REV3L: variants seen among roughly 807,000 people sequenced by gnomAD.
The protein encoded by REV3L is REV3 like, DNA directed polymerase zeta catalytic subunit, also known as DNA polymerase zeta catalytic subunit.
In REV3L, 69 loss-of-function variants were observed where a neutral mutation model predicts 299.4. The observed-to-expected ratio is 0.23, with a 90% CI of 0.19 to 0.28. The LOEUF (loss-of-function observed/expected upper bound fraction) is 0.28, where lower values mean the gene tolerates loss of function less well. Among genes scored for constraint, REV3L ranks in the 10% least tolerant of loss-of-function variants. The pLI is 1.00. For synonymous variants in REV3L, 1,238 were observed against 1,271.4 expected, an observed-to-expected ratio of 0.97 and a Z score of 0.56; for missense variants, 3,128 against 3,693.8, an observed-to-expected ratio of 0.85 and a Z score of 3.97.
chr6:111,457,523 C>T (rs887786163), intron 1 of REV3L, among the ~76,000 whole-genome samples: 2 of 151,640 alleles, frequency 1.3e-5, no homozygotes, highest in African/African-American at 4.8e-5. Flanking sequence ...TGAAGGATCT[C>T]AAATATGCCA....
intron 1 of REV3L, among the ~76,000 whole-genome samples, chr6:111,462,463 C>A (rs956344916): frequency 2.0e-5 from 3 of 151,814 alleles, no homozygotes; most frequent in African/African-American, 7.3e-5. Context: ...GAAAAAAAAA[C>A]TGATAGAACT....
At chr6:111,301,976 T>C (rs946238213) in intron 31 of REV3L, among the ~76,000 whole-genome samples, 3 of 152,330 alleles carry the variant, frequency 2.0e-5, no homozygotes, top group Middle Eastern at 3.4e-3. Context: ...CTACTCTGGA[T>C]TGTCTTTTAA....
intron 30 of REV3L, chr6:111,309,554 T>G (rs1582446380): frequency 9.4e-6 from 2 of 213,502 alleles, no homozygotes; most frequent in Non-Finnish European, 1.8e-5. Context: ...GGGTCTCGGG[T>G]TTTTATAGGC....
chr6:111,307,784 A>C, intron 30 of REV3L: 1 of 547,426 alleles, frequency 1.8e-6, no homozygotes, highest in Non-Finnish European at 3.2e-6. Flanking sequence ...ACATCTTAAT[A>C]TTATCAGATA....
intron 1 of REV3L, among the ~76,000 whole-genome samples, chr6:111,457,341 T>C (rs1790267465): frequency 6.6e-6 from 1 of 151,920 alleles, no homozygotes; most frequent in South Asian, 2.1e-4. Context: ...AATATTTTGA[T>C]ACAGAAAACT....
At chr6:111,420,595 T>C (rs1023494272) in intron 1 of REV3L, among the ~76,000 whole-genome samples, 1 of 152,202 alleles carries the variant, frequency 6.6e-6, no homozygotes, top group African/African-American at 2.4e-5. Context: ...CGTCTGTGGC[T>C]GAACAAGCCC....
chr6:111,307,627 T>A, intron 30 of REV3L, 57 bp from the exon 31 acceptor site: 1 of 1,517,150 alleles, frequency 6.6e-7, no homozygotes, highest in Non-Finnish European at 9.1e-7. Flanking sequence ...AAAGCTGCTA[T>A]TTTCATGCTA....
chr6:111,328,102 T>C (rs1775024852), intron 25 of REV3L, among the ~76,000 whole-genome samples: 1 of 152,230 alleles, frequency 6.6e-6, no homozygotes, highest in Non-Finnish European at 1.5e-5. Flanking sequence ...ATTGTATTTG[T>C]ATCAAATAAA....
chr6:111,355,988 T>C (rs1418016948), intron 18 of REV3L, among the ~76,000 whole-genome samples: 3 of 152,158 alleles, frequency 2.0e-5, no homozygotes, highest in Non-Finnish European at 4.4e-5. Flanking sequence ...TTTAATTTTG[T>C]TTTGTAGAAA....
At chr6:111,368,172 A>G (rs2115036168) in intron 13 of REV3L, 144 bp from the exon 14 acceptor site, 1 of 663,918 alleles carries the variant, frequency 1.5e-6, no homozygotes, top group Non-Finnish European at 2.5e-6. Flanking sequence ...TTGTGCAGGT[A>G]CATTCTATCT....
At chr6:111,381,768 C>CT (rs1367856978) in intron 9 of REV3L, among the ~76,000 whole-genome samples, 1 of 151,986 alleles carries the variant, frequency 6.6e-6, no homozygotes, top group Non-Finnish European at 1.5e-5. Flanking sequence ...GATAAACTAT[C>CT]TTATTTGAAT....
chr6:111,471,453 C>A (rs1347073898), intron 1 of REV3L, among the ~76,000 whole-genome samples: 1 of 152,110 alleles, frequency 6.6e-6, no homozygotes, highest in East Asian at 1.9e-4. Flanking sequence ...GTGAGGAATA[C>A]CTGCTACAAA....
At chr6:111,455,034 A>G (rs900063468) in intron 1 of REV3L, among the ~76,000 whole-genome samples, 2 of 152,188 alleles carry the variant, frequency 1.3e-5, no homozygotes, top group Non-Finnish European at 2.9e-5. Flanking sequence ...CAGCATACTG[A>G]ATCTGCCCTC....
intron 9 of REV3L, among the ~76,000 whole-genome samples, chr6:111,387,510 A>G (rs1781462447): frequency 6.6e-6 from 1 of 152,226 alleles, no homozygotes; most frequent in Non-Finnish European, 1.5e-5. Context: ...TTTAAAACTT[A>G]AAACAATGGT....
chr6:111,427,984 G>A (rs776286614), intron 1 of REV3L, among the ~76,000 whole-genome samples: 8 of 151,414 alleles, frequency 5.3e-5, no homozygotes, highest in African/African-American at 1.9e-4. Context: ...CCAGAGGTTA[G>A]GTGCTGAAAA....
chr6:111,380,954 C>A (rs528749593), intron 10 of REV3L, among the ~76,000 whole-genome samples: 2 of 152,302 alleles, frequency 1.3e-5, no homozygotes, highest in South Asian at 4.1e-4. Flanking sequence ...ATGGCCCTAG[C>A]CACCCGTGTT....
intron 1 of REV3L, among the ~76,000 whole-genome samples, chr6:111,454,478 C>G (rs1487038655): frequency 1.3e-5 from 2 of 151,894 alleles, no homozygotes; most frequent in Non-Finnish European, 2.9e-5. Flanking sequence ...ATTGTGTAAC[C>G]ATCATCACTA....
At position 111,299,377 on chromosome 6, in the gene REV3L, A is replaced by G. The variant is rs1282869632; in HGVS notation, c.*639T>C. On this transcript the variant is annotated 3_prime_UTR_variant, in exon 32 of 32. Coordinates refer to ENST00000368802, the MANE Select transcript of REV3L (RefSeq NM_001372078.1). ...CACAGTTCCTCACAATGCCCCATTA[A>G]TAGCTAAAGCAAGACAGCATTTTTT... 1.3e-5 allele frequency: 2 copies of G among 149,368 alleles called. No individual in the cohort carries two copies. Among genetic ancestry groups the G allele is most frequent in the Non-Finnish European group, 1.5e-5 (1 of 67,242 alleles). 9.3% of individuals were successfully genotyped at this position (149,368 alleles called of 1,614,324 possible).
chr6:111,313,659 T>C (rs1773216571), intron 27 of REV3L, 170 bp from the exon 28 acceptor site: 3 of 589,162 alleles, frequency 5.1e-6, no homozygotes, highest in Non-Finnish European at 8.5e-6. Flanking sequence ...CAAAATGAAT[T>C]GTCTTTAAGT....
Sources: allele counts gnomAD v4.1 joint callset (sites outside exome capture counted in the v4.1 genomes callset), GRCh38; gene constraint gnomAD v4.1.1; transcripts MANE v1.5; gene names NCBI Gene and HGNC (gene_info 2026-07-23, HGNC 2026-07-21).